The following MYO10 variants were observed in gnomAD, a reference collection of about 807,000 sequenced individuals.
MYO10 encodes unconventional myosin-X.
In MYO10, 133 loss-of-function variants were observed where a neutral mutation model predicts 257.3. The observed-to-expected ratio is 0.52, with a 90% CI of 0.45 to 0.60. MYO10 has a LOEUF of 0.60. Ranked by LOEUF, MYO10 falls within the 20% of genes least tolerant of loss-of-function variation. The pLI, the probability that MYO10 is intolerant of heterozygous loss-of-function variation, is 0.00. For missense variants in MYO10, 2,399 were observed against 2,635.7 expected (o/e 0.91, Z 1.97); for synonymous variants, 1,104 against 1,028.6 (o/e 1.07, Z -1.40).
chr5:16,858,563 A>G (rs573198108), intron 2 of MYO10, among the ~76,000 whole-genome samples: 1 of 152,300 alleles, frequency 6.6e-6, no homozygotes, highest in East Asian at 1.9e-4. Context: ...CTCCGAGGTA[A>G]CCATTTAGTC....
At chr5:16,793,410 C>T (rs993208080) in intron 4 of MYO10, among the ~76,000 whole-genome samples, 5 of 152,100 alleles carry the variant, frequency 3.3e-5, no homozygotes, top group Admixed American at 6.6e-5. Context: ...CTGCAACCTC[C>T]ACCTCCGGGT....
At chr5:16,715,392 A>ATATT (rs1554038579) in intron 19 of MYO10, among the ~76,000 whole-genome samples, 65 of 84,376 alleles carry the variant, frequency 7.7e-4, no homozygotes, top group African/African-American at 2.9e-3. Flanking sequence ...TAAGATTGAA[A>ATATT]TTTTTTTTTT....
chr5:16,792,561 C>T (rs1432023135), intron 4 of MYO10, among the ~76,000 whole-genome samples: 3 of 143,738 alleles, frequency 2.1e-5, no homozygotes, highest in Non-Finnish European at 4.6e-5. Flanking sequence ...CCTCCCCCAA[C>T]CCCAGTCCCT....
rs751621676 is a variant in MYO10, at chr5:16,694,609, G to A, written c.3562C>T (p.Leu1188=). 6.2e-7 allele frequency: 1 copy of A among 1,613,728 alleles called. No homozygotes were observed. Among genetic ancestry groups the A allele is most frequent in the Non-Finnish European group, 8.5e-7 (1 of 1,179,880 alleles). The part of the protein sequence containing the change: ...FHSFLYMKGG[L]MNSWKRRWCV... ...CAGCGGCGTTTCCAAGAGTTCATCA[G>A]GCCACCTGTTCCCCGTGAGATTGGG... The change falls in exon 27 of 41, where the codon CTG becomes TTG. Residue 1188 remains leucine (L), a synonymous_variant. Transcript: ENST00000513610.
chr5:16,879,305 G>C (rs1744695074), intron 1 of MYO10, among the ~76,000 whole-genome samples: 1 of 151,916 alleles, frequency 6.6e-6, no homozygotes, highest in South Asian at 2.1e-4. Flanking sequence ...AAATATGCTG[G>C]TTATGGTATG....
Position 16,806,377 on chromosome 5 carries a change from C to T in MYO10, c.280-11544G>A, listed in dbSNP as rs1429923809. ...ACCTCCAAAAAAAGGCCGGGTGCGA[C>T]GGCTCACACCTGTGATCCCAGCACT... On this transcript the variant is annotated intron_variant, in intron 3 of 40. Transcript: ENST00000513610. Among the ~76,000 whole-genome samples the T allele has an allele frequency of 6.0e-5, 9 of 150,614 alleles. No individual in the cohort carries two copies. In the South Asian group the frequency reaches 8.5e-4, roughly 14 times the overall value.
At position 16,700,852 on chromosome 5, in the gene MYO10, T is replaced by C. The variant is rs537154806; in HGVS notation, c.3432+111A>G. ...AAGATGATCTCTAAGACCACGACTC[T>C]GCAATCTTTGCACAGATATCCTACG... is the stretch of plus-strand genomic sequence containing the variant. On this transcript the variant is annotated intron_variant, in intron 25 of 40. Coordinates refer to ENST00000513610, the MANE Select transcript of MYO10 (RefSeq NM_012334.3). 3.7e-5 allele frequency: 48 copies of C among 1,292,792 alleles called. No homozygotes were observed. The African/African-American group carries it at 6.5e-4, about 17-fold the overall frequency. The allele number at this position is 1,292,792 out of a possible 1,614,324, so 80.1% of individuals were successfully genotyped here. A position where few individuals can be genotyped will look rare whatever the true frequency, so the allele number is the denominator to read the frequency against.
At chr5:16,713,329 C>T (rs1051220145) in intron 19 of MYO10, 2 of 985,728 alleles carry the variant, frequency 2.0e-6, no homozygotes, top group African/African-American at 1.7e-5. Flanking sequence ...GCCACACTCA[C>T]CATCTTCCTG....
chr5:16,757,219 G>T (rs1740554626), intron 18 of MYO10, among the ~76,000 whole-genome samples: 1 of 150,316 alleles, frequency 6.7e-6, no homozygotes, highest in South Asian at 2.1e-4. Flanking sequence ...GCGCCTGGGA[G>T]TTTGAGGCTG....
At chr5:16,671,640 G>A in intron 37 of MYO10, 98 bp from the exon 38 acceptor site, 1 of 1,444,540 alleles carries the variant, frequency 6.9e-7, no homozygotes. Flanking sequence ...TAAGGACACA[G>A]ACATTCTGTC....
chr5:16,704,519 G>T (rs1738239617), intron 22 of MYO10, 60 bp downstream of exon 22: 1 of 1,426,820 alleles, frequency 7.0e-7, no homozygotes, highest in Non-Finnish European at 9.8e-7. Context: ...GGAACACACT[G>T]GGAAGGAAGG....
intron 9 of MYO10, among the ~76,000 whole-genome samples, chr5:16,772,942 G>A (rs942100480): frequency 2.6e-5 from 4 of 152,242 alleles, no homozygotes; most frequent in Non-Finnish European, 4.4e-5. Context: ...CCTGGGAAGG[G>A]GCACAGAGAA....
rs1450549692 is a variant in MYO10 at position 16,874,344 on chromosome 5, C to T, written c.120+3265G>A. ...GCAAGACTCCATCTAAAAAAAAAAG[C>T]GGGGGGGGGGGGGGGTTTCTTTTCT... On this transcript the variant is annotated intron_variant, in intron 2 of 40. Coordinates refer to ENST00000513610, the MANE Select transcript of MYO10 (RefSeq NM_012334.3). 3.9e-4 allele frequency among the ~76,000 whole-genome samples: 11 copies of T among 28,474 alleles called. 1 individual carries two copies. Among genetic ancestry groups the T allele is most frequent in the African/African-American group, 1.0e-3 (10 of 9,926 alleles). The allele number at this position is 28,474 out of a possible 152,430, so 18.7% of individuals were successfully genotyped here. A position where few individuals can be genotyped will look rare whatever the true frequency, so the allele number is the denominator to read the frequency against.
rs34100971 is a variant in MYO10 at position 16,725,078 on chromosome 5, C to CTTTTT, written c.1930-13838_1930-13834dup. Among the ~76,000 whole-genome samples the CTTTTT allele has an allele frequency of 6.7e-3, 503 of 74,950 alleles. 30 individuals are homozygous for CTTTTT. Among genetic ancestry groups the CTTTTT allele is most frequent in the Non-Finnish European group, 9.0e-3 (377 of 42,020 alleles). 49.2% of individuals were successfully genotyped at this position (74,950 alleles called of 152,430 possible). A position where few individuals can be genotyped will look rare whatever the true frequency, so the allele number is the denominator to read the frequency against. ...TATACAGTTCTCTCACCTTCTTCTT[C>CTTTTT]TTTTTTTTTTTTTTTTTTTTTTTTT... On this transcript the variant is annotated intron_variant, in intron 19 of 40. Transcript: ENST00000513610.
chr5:16,707,353 C>A lies in MYO10; in HGVS notation c.2170-2668G>T, dbSNP rs142616669. Among the ~76,000 whole-genome samples the A allele has an allele frequency of 6.9e-3, 1,053 of 152,316 alleles. 4 individuals are homozygous for A. Among genetic ancestry groups the A allele is most frequent in the South Asian group, 0.012 (60 of 4,826 alleles). ...CAGGACTCAGCCAAGACCAAGTTGG[C>A]ACAACCTAGTGACTGGGAATGTGGC... On this transcript the variant is annotated intron_variant, in intron 21 of 40. Coordinates refer to ENST00000513610, the MANE Select transcript of MYO10 (RefSeq NM_012334.3).
At chr5:16,812,386 G>A (rs187317427) in intron 3 of MYO10, among the ~76,000 whole-genome samples, 4 of 152,280 alleles carry the variant, frequency 2.6e-5, no homozygotes, top group East Asian at 3.9e-4. Flanking sequence ...CATCAAACTC[G>A]GTACGGCCTC....
chr5:16,867,129 C>T (rs560604569), intron 2 of MYO10, among the ~76,000 whole-genome samples: 3 of 152,360 alleles, frequency 2.0e-5, no homozygotes, highest in South Asian at 2.1e-4. Flanking sequence ...GCTGCTGGAA[C>T]GTGTGGGCCT....
chr5:16,802,517 C>T (rs1220910314), intron 3 of MYO10, among the ~76,000 whole-genome samples: 1 of 151,156 alleles, frequency 6.6e-6, no homozygotes, highest in Non-Finnish European at 1.5e-5. Flanking sequence ...ATTAGCCGGG[C>T]GTAGTGGCAG....
At chr5:16,879,812 T>C (rs1322104017) in intron 1 of MYO10, among the ~76,000 whole-genome samples, 8 of 152,252 alleles carry the variant, frequency 5.3e-5, no homozygotes, top group Non-Finnish European at 7.3e-5. Context: ...GGAAGGAACA[T>C]TTAAGACGAC....
Sources: allele counts gnomAD v4.1 joint callset (sites outside exome capture counted in the v4.1 genomes callset), GRCh38; gene constraint gnomAD v4.1.1; transcripts MANE v1.5; gene names NCBI Gene and HGNC (gene_info 2026-07-23, HGNC 2026-07-21).